Variants in KIAA2012 observed in about 807,000 individuals in gnomAD.
The protein encoded by KIAA2012 is KIAA2012, also known as uncharacterized protein KIAA2012.
Under a neutral mutation model 150.6 loss-of-function variants are expected in KIAA2012, and 125 were observed. That is an observed-to-expected ratio of 0.83 (90% CI 0.72 to 0.96). The LOEUF is 0.96. Among genes scored for constraint, KIAA2012 ranks in the 40% least tolerant of loss-of-function variants. The pLI is 0.00. For missense variants in KIAA2012, 1,219 were observed against 1,354.9 expected, an observed-to-expected ratio of 0.90 and a Z score of 1.57; for synonymous variants, 462 against 504.7, an observed-to-expected ratio of 0.92 and a Z score of 1.13.
chr2:202,078,422 G>A (rs1389396255), intron 2 of KIAA2012, among the ~76,000 whole-genome samples: 1 of 152,162 alleles, frequency 6.6e-6, no homozygotes, highest in East Asian at 1.9e-4. Context: ...CCCAGTAGCT[G>A]AGACTACTGG....
intron 9 of KIAA2012, chr2:202,106,112 A>G: frequency 2.1e-6 from 3 of 1,424,700 alleles, no homozygotes; most frequent in Middle Eastern, 2.1e-4. Context: ...CCAGCTCACC[A>G]GTTACTTACT....
In KIAA2012 at chr2:202,202,585, A is replaced by G. The variant is rs1403065430; in HGVS notation, c.*18A>G. 1 of 398,870 alleles carries G rather than the reference A, an allele frequency of 2.5e-6. No homozygotes were observed. The highest frequency in any genetic ancestry group is 4.4e-6 in the Non-Finnish European group (1 of 226,066). 24.7% of individuals were successfully genotyped at this position (398,870 alleles called of 1,614,324 possible). A position where few individuals can be genotyped will look rare whatever the true frequency, so the allele number is the denominator to read the frequency against. ...GGCCTTAAGGCTAGAAGAAAACTAA[A>G]AAGTAAGTTGGGAGATGGTGAAAGA... On this transcript the variant is annotated splice_region_variant and 3_prime_UTR_variant, in exon 23 of 24. Coordinates refer to ENST00000498697, the MANE Select transcript of KIAA2012 (RefSeq NM_001277372.4).
At chr2:202,139,407 G>C (rs1191639567) in intron 13 of KIAA2012, among the ~76,000 whole-genome samples, 2 of 152,126 alleles carry the variant, frequency 1.3e-5, no homozygotes. Flanking sequence ...CGGAGAACCT[G>C]AGGCAGAGGC....
At position 202,074,942 on chromosome 2, in the gene KIAA2012, C is replaced by G. The variant is rs1253772294; in HGVS notation, c.136C>G (p.Gln46Glu). ...AGACTATGTTCCTGTCAGCAAACCT[C>G]AAGATAAGAACAATGCCAGTCAGCA... is the stretch of plus-strand genomic sequence containing the variant. Reference protein sequence around the residue: ...PEDYVPVSKPQDKNNASQHSW... With the variant: ...PEDYVPVSKPEDKNNASQHSW... Residue 46 changes from glutamine (Q) to glutamate (E), a missense_variant, in exon 2 of 24, where the codon CAA (glutamine) becomes GAA (glutamate). By Grantham distance (29) the Gln-to-Glu change is conservative. Transcript: ENST00000498697. The G allele has an allele frequency of 1.3e-6, 2 of 1,550,996 alleles. No homozygotes were observed. The highest frequency in any genetic ancestry group is 1.7e-6 in the Non-Finnish European group (2 of 1,147,092).
At chr2:202,172,905 A>G (rs1200299078) in intron 15 of KIAA2012, among the ~76,000 whole-genome samples, 1 of 152,252 alleles carries the variant, frequency 6.6e-6, no homozygotes, top group Non-Finnish European at 1.5e-5. Context: ...GGCACAGCAC[A>G]CTGCCAGGCC....
chr2:202,110,770 T>G (rs1367551499), intron 10 of KIAA2012, among the ~76,000 whole-genome samples: 2 of 152,178 alleles, frequency 1.3e-5, no homozygotes, highest in Non-Finnish European at 2.9e-5. Context: ...CAGTCTCACT[T>G]GCTCTCTGTC....
At chr2:202,158,670 C>A (rs2060405380) in intron 14 of KIAA2012, among the ~76,000 whole-genome samples, 1 of 152,020 alleles carries the variant, frequency 6.6e-6, no homozygotes, top group Non-Finnish European at 1.5e-5. Flanking sequence ...CTGAGACCAG[C>A]CTGTTTTCTA....
At chr2:202,097,392 C>G (rs753699626) in intron 4 of KIAA2012, 43 bp from the exon 5 acceptor site, 10 of 1,546,668 alleles carry the variant, frequency 6.5e-6, no homozygotes, top group South Asian at 6.0e-5. Flanking sequence ...AACACCACGT[C>G]CATTTCCAGG....
intron 2 of KIAA2012, among the ~76,000 whole-genome samples, chr2:202,080,666 A>G (rs1377232216): frequency 6.8e-6 from 1 of 147,364 alleles, no homozygotes; most frequent in African/African-American, 2.5e-5. Context: ...ATTGCACTCC[A>G]AACTGGGCAA....
intron 15 of KIAA2012, among the ~76,000 whole-genome samples, chr2:202,180,519 T>C (rs1318208539): frequency 6.6e-6 from 1 of 152,086 alleles, no homozygotes; most frequent in Non-Finnish European, 1.5e-5. Flanking sequence ...AAAGAGTAAA[T>C]TTTTTAATAA....
At chr2:202,146,490 G>T (rs1407790522) in intron 13 of KIAA2012, among the ~76,000 whole-genome samples, 2 of 152,104 alleles carry the variant, frequency 1.3e-5, no homozygotes, top group African/African-American at 2.4e-5. Context: ...AAATTAGCCA[G>T]GTGTGGTAGT....
At chr2:202,089,417 G>T (rs1689662031) in intron 2 of KIAA2012, among the ~76,000 whole-genome samples, 1 of 152,206 alleles carries the variant, frequency 6.6e-6, no homozygotes, top group African/African-American at 2.4e-5. Flanking sequence ...GGTTCATGGT[G>T]CTAACTCCTG....
intron 13 of KIAA2012, among the ~76,000 whole-genome samples, chr2:202,146,810 A>C (rs560166988): frequency 6.6e-6 from 1 of 152,170 alleles, no homozygotes; most frequent in Admixed American, 6.5e-5. Context: ...AAAATGAATA[A>C]AATAAAATAA....
intron 15 of KIAA2012, among the ~76,000 whole-genome samples, chr2:202,170,461 A>C (rs1204239157): frequency 6.6e-6 from 1 of 152,128 alleles, no homozygotes; most frequent in Non-Finnish European, 1.5e-5. Context: ...TTAAGTCTTT[A>C]ACCACCGACT....
At chr2:202,165,661 C>A (rs527562160) in intron 15 of KIAA2012, among the ~76,000 whole-genome samples, 1 of 152,092 alleles carries the variant, frequency 6.6e-6, no homozygotes, top group Non-Finnish European at 1.5e-5. Context: ...GCAGAGGTTG[C>A]GGTGAGCTGA....
rs570729588 is a variant in KIAA2012 at position 202,159,838 on chromosome 2, G to A, written c.2046+5028G>A. Among the ~76,000 whole-genome samples the A allele has an allele frequency of 4.1e-4, 62 of 152,156 alleles. 1 individual carries two copies. The highest frequency in any genetic ancestry group is 6.8e-3 in the Middle Eastern group (2 of 294). On this transcript the variant is annotated intron_variant, in intron 14 of 23. Transcript: ENST00000498697. ...GCCTGGGCAACAAGAGCAAAAGTCTGTCTCAAAAAAATAATAATAATACTG... is the reference window on the plus strand; with the variant it reads ...GCCTGGGCAACAAGAGCAAAAGTCTATCTCAAAAAAATAATAATAATACTG...
At position 202,090,794 on chromosome 2, in the gene KIAA2012, C is replaced by G. The variant is rs1330152367; in HGVS notation, c.394C>G (p.Pro132Ala). 4 of 1,550,458 alleles carry G rather than the reference C, an allele frequency of 2.6e-6. No homozygotes were observed. The highest frequency in any genetic ancestry group is 3.5e-6 in the Non-Finnish European group (4 of 1,146,888). The change falls in exon 3 of 24, where the codon CCA (proline) becomes GCA (alanine). Residue 132 changes from proline (P) to alanine (A), a missense_variant. Transcript: ENST00000498697. Reference sequence around the variant, plus strand: ...GGGAGAGCAGGACAGAGCCTGGCAACCATACCTCCACTTCCGAAGCCAGCT... The same window carrying G: ...GGGAGAGCAGGACAGAGCCTGGCAAGCATACCTCCACTTCCGAAGCCAGCT... ...QQGEQDRAWQ[P>A]YLHFRSQLES...
intron 12 of KIAA2012, among the ~76,000 whole-genome samples, chr2:202,133,329 G>A (rs1461463026): frequency 3.3e-5 from 5 of 151,120 alleles, no homozygotes; most frequent in Non-Finnish European, 5.9e-5. Flanking sequence ...TATGCATCTC[G>A]AATTTAAATT....
intron 15 of KIAA2012, among the ~76,000 whole-genome samples, chr2:202,181,088 G>A (rs1310706464): frequency 6.6e-6 from 1 of 152,078 alleles, no homozygotes; most frequent in Non-Finnish European, 1.5e-5. Flanking sequence ...TCCCACCTCA[G>A]CCCCCTGAGT....
Sources: gnomAD v4.1 joint callset for allele counts (sites outside exome capture counted in the v4.1 genomes callset) on GRCh38, gnomAD v4.1.1 for gene constraint, MANE v1.5 for transcripts, NCBI Gene and HGNC (gene_info 2026-07-23, HGNC 2026-07-21) for gene names.